NSD1: variants seen among roughly 807,000 people sequenced by gnomAD.
NSD1 encodes nuclear receptor binding SET domain protein 1, also known as histone-lysine N-methyltransferase, H3 lysine-36 specific.
A neutral mutation model predicts 242.7 loss-of-function variants in NSD1; 26 were observed. The observed-to-expected ratio is 0.11, with a 90% CI of 0.08 to 0.15. The LOEUF is 0.15. NSD1 is among the 10% of genes least tolerant of loss of function. The pLI, the probability that NSD1 is intolerant of heterozygous loss-of-function variation, is 1.00. For missense variants in NSD1, 2,495 were observed against 3,272.8 expected (o/e 0.76, Z 5.80); for synonymous variants, 1,106 against 1,178.1 (o/e 0.94, Z 1.25).
At chr5:177,287,270 A>G (rs187162462) in intron 20 of NSD1, among the ~76,000 whole-genome samples, 8 of 152,382 alleles carry the variant, frequency 5.2e-5, no homozygotes, top group Admixed American at 4.6e-4. Flanking sequence ...TTATTTGTGT[A>G]TAAGGTACAG....
chr5:177,203,976 T>C (rs1309536442), intron 3 of NSD1, 144 bp from the exon 4 acceptor site: 4 of 783,006 alleles, frequency 5.1e-6, no homozygotes, highest in South Asian at 3.0e-5. Context: ...TCCTTGTGTA[T>C]GATCTATTCT....
intron 4 of NSD1, among the ~76,000 whole-genome samples, chr5:177,204,702 A>G (rs528326084): frequency 6.6e-6 from 1 of 152,244 alleles, no homozygotes; most frequent in East Asian, 1.9e-4. Context: ...GAAGCATTAT[A>G]TTTTTGAAAT....
chr5:177,275,337 G>A (rs1310620595), intron 17 of NSD1, among the ~76,000 whole-genome samples: 1 of 150,446 alleles, frequency 6.6e-6, no homozygotes, highest in East Asian at 1.9e-4. Context: ...TTTTTTAAAC[G>A]ACAATGCAGT....
At chr5:177,252,386 T>C (rs1171524420) in intron 12 of NSD1, among the ~76,000 whole-genome samples, 8 of 152,134 alleles carry the variant, frequency 5.3e-5, no homozygotes, top group Non-Finnish European at 2.9e-5. Context: ...GTGTACTTTA[T>C]GGTGTGTACA....
chr5:177,185,659 A>G (rs1761049444), intron 2 of NSD1, among the ~76,000 whole-genome samples: 1 of 124,648 alleles, frequency 8.0e-6, no homozygotes, highest in Non-Finnish European at 1.6e-5. Flanking sequence ...GAGACCAAAT[A>G]TATATTATAT....
chr5:177,229,684 G>A (rs1039317850), intron 5 of NSD1: 13 of 357,340 alleles, frequency 3.6e-5, no homozygotes, highest in Admixed American at 3.5e-4. Context: ...GGGAGTTGGG[G>A]TAGTTGAGGC....
At chr5:177,157,946 T>C (rs1300243661) in intron 2 of NSD1, among the ~76,000 whole-genome samples, 1 of 152,230 alleles carries the variant, frequency 6.6e-6, no homozygotes, top group African/African-American at 2.4e-5. Flanking sequence ...CTTCATTCCA[T>C]TTTACTGCTG....
Position 177,298,405 on chromosome 5 carries a change from C to T in NSD1, c.*2946C>T, listed in dbSNP as rs1246132470. ...TAGCTAGAAAGCCAATACATCTAGC[C>T]CTGCTAAGTCAGAAAAAGATTATGA... On this transcript the variant is annotated 3_prime_UTR_variant, in exon 23 of 23. Transcript: ENST00000439151. 8.6e-6 allele frequency: 2 copies of T among 233,052 alleles called. No individual in the cohort carries two copies. The highest frequency in any genetic ancestry group is 2.2e-5 in the African/African-American group (1 of 45,314). The allele number at this position is 233,052 out of a possible 1,614,324, so 14.4% of individuals were successfully genotyped here.
chr5:177,140,073 G>T (rs1347390352), intron 2 of NSD1, among the ~76,000 whole-genome samples: 2 of 152,164 alleles, frequency 1.3e-5, no homozygotes, highest in Admixed American at 6.6e-5. Context: ...CCTCTAAGTG[G>T]ACTGTTTGCC....
intron 2 of NSD1, among the ~76,000 whole-genome samples, chr5:177,181,019 A>T (rs1760619920): frequency 6.6e-6 from 1 of 150,478 alleles, no homozygotes; most frequent in Admixed American, 6.6e-5. Context: ...TGCATTTTGT[A>T]GATGAGCAAA....
intron 2 of NSD1, among the ~76,000 whole-genome samples, chr5:177,145,997 G>GA (rs1157982213): frequency 6.6e-6 from 1 of 151,582 alleles, no homozygotes; most frequent in Non-Finnish European, 1.5e-5. Flanking sequence ...GCTGAGGTTG[G>GA]AGGATTGCTT....
chr5:177,186,237 GCTGTGATCACAC>G (rs1275583165), intron 2 of NSD1, among the ~76,000 whole-genome samples: 2 of 148,354 alleles, frequency 1.3e-5, no homozygotes, highest in African/African-American at 5.0e-5. Context: ...GCTGCAATGG[GCTGTGATCACAC>G]CATTGCACTC....
chr5:177,142,498 A>G (rs1291626492), intron 2 of NSD1, among the ~76,000 whole-genome samples: 1 of 152,138 alleles, frequency 6.6e-6, no homozygotes, highest in East Asian at 1.9e-4. Context: ...GTGGTTATTT[A>G]TAGTTTAAGC....
At chr5:177,138,726 G>A (rs1756559191) in intron 2 of NSD1, among the ~76,000 whole-genome samples, 1 of 151,166 alleles carries the variant, frequency 6.6e-6, no homozygotes, top group Non-Finnish European at 1.5e-5. Flanking sequence ...TGCAATCTCC[G>A]CCTTCTGGGT....
At chr5:177,236,185 T>G (rs1011565832) in intron 6 of NSD1, among the ~76,000 whole-genome samples, 2 of 152,270 alleles carry the variant, frequency 1.3e-5, no homozygotes, top group South Asian at 2.1e-4. Flanking sequence ...GAGTAATGAC[T>G]TAGGAATATT....
At chr5:177,277,813 C>G (rs1758520875) in intron 17 of NSD1, among the ~76,000 whole-genome samples, 2 of 152,138 alleles carry the variant, frequency 1.3e-5, no homozygotes, top group South Asian at 4.1e-4. Context: ...CTACTGCACT[C>G]CAGTCTGGGG....
intron 2 of NSD1, 163 bp downstream of exon 2, chr5:177,136,193 A>T (rs1756315726): frequency 3.1e-6 from 2 of 636,316 alleles, no homozygotes; most frequent in East Asian, 5.7e-5. Context: ...TGATTTTTAA[A>T]TTTATCTCTG....
chr5:177,142,896 A>G (rs1390994175), intron 2 of NSD1, among the ~76,000 whole-genome samples: 2 of 152,060 alleles, frequency 1.3e-5, no homozygotes, highest in Non-Finnish European at 2.9e-5. Flanking sequence ...GACCTTTCCA[A>G]ATCTGATGCT....
chr5:177,295,064 ACCCCAGGGCCTCTT>A lies in NSD1; in HGVS notation c.7697_7710del (p.Thr2566LysfsTer31). 6.2e-7 allele frequency: 1 copy of A among 1,612,260 alleles called. No individual in the cohort carries two copies. ...AAGAGCTTCTGCAGGGGCTGAGCAG[ACCCCAGGGCCTCTT>A]AGCCAATCCCCGGGCCTGGTGAAGC... is the stretch of plus-strand genomic sequence containing the variant. On this transcript the variant is annotated frameshift_variant, in exon 23 of 23. Coordinates refer to ENST00000439151, the MANE Select transcript of NSD1 (RefSeq NM_022455.5). LOFTEE classifies it high-confidence loss of function. The surrounding 1 kb of genome is among the most constrained non-coding windows in gnomAD (Gnocchi z 4.3).
Sources: gnomAD v4.1 joint callset for allele counts (sites outside exome capture counted in the v4.1 genomes callset) on GRCh38, gnomAD v4.1.1 for gene constraint, Gnocchi (gnomAD v3.1) non-coding constraint, MANE v1.5 for transcripts, NCBI Gene and HGNC (gene_info 2026-07-23, HGNC 2026-07-21) for gene names.